MZT2A: variants seen among roughly 807,000 people sequenced by gnomAD.
The protein encoded by MZT2A is mitotic spindle organizing protein 2A.
MZT2A carries 8 observed loss-of-function variants against 12.4 expected under a neutral mutation model. That is an observed-to-expected ratio of 0.64 (90% CI 0.38 to 1.16). The LOEUF (loss-of-function observed/expected upper bound fraction) is 1.16. MZT2A is among the 50% of genes most tolerant of loss of function. The pLI is 0.01. For missense variants in MZT2A, 181 were observed against 223.6 expected, an observed-to-expected ratio of 0.81 and a Z score of 1.22; for synonymous variants, 88 against 107.5, an observed-to-expected ratio of 0.82 and a Z score of 1.12.
chr2:131,492,505 G>C, upstream of MZT2A: 1 of 1,128,118 alleles, frequency 8.9e-7, no homozygotes, highest in Non-Finnish European at 1.1e-6. Flanking sequence ...GGAGCGCGGG[G>C]ACGGGGCCGC....
In MZT2A at chr2:131,476,109, C is replaced by T. The variant is rs1678655572; in HGVS notation, c.279-3927G>A. The T allele has an allele frequency of 3.7e-6, 6 of 1,600,458 alleles. No individual in the cohort carries two copies. In the Admixed American group the frequency reaches 8.5e-5, roughly 23 times the overall value. ...CGGCGGGCCAATCCCGTGCGGCGCGCACAGGCAGGAGGTTGCAGTTGGGCG... is the reference window on the plus strand; with the variant it reads ...CGGCGGGCCAATCCCGTGCGGCGCGTACAGGCAGGAGGTTGCAGTTGGGCG... On this transcript the variant is annotated intron_variant and NMD_transcript_variant, in intron 2 of 4. Transcript: ENST00000427024.
downstream of MZT2A, chr2:131,482,575 C>A (rs748910733): frequency 1.3e-5 from 21 of 1,610,412 alleles, no homozygotes; most frequent in African/African-American, 2.7e-5. Flanking sequence ...ACCAGCCCCC[C>A]ACAGTGGTCC....
upstream of MZT2A, chr2:131,493,083 C>G (rs2272360): frequency 0.21 from 317,607 of 1,488,904 alleles, 41,981 homozygotes; most frequent in East Asian, 0.69. Context: ...GACGTTTTGG[C>G]GCGGTGGCGG....
At chr2:131,491,297 G>C (rs997520840) in intron 2 of MZT2A, 11 of 302,302 alleles carry the variant, frequency 3.6e-5, no homozygotes, top group Non-Finnish European at 5.1e-5. Flanking sequence ...TGGGAGTTCC[G>C]CGTCTAACTC....
chr2:131,476,172 G>T, intron 2 of MZT2A: 1 of 1,613,888 alleles, frequency 6.2e-7, no homozygotes, highest in South Asian at 1.1e-5. Flanking sequence ...TCTGGCAGTA[G>T]CGTTGGGCTG....
At chr2:131,473,852 T>G (rs535205220) in intron 2 of MZT2A, among the ~76,000 whole-genome samples, 5,080 of 123,464 alleles carry the variant, frequency 0.041, 444 homozygotes, top group African/African-American at 0.13. Context: ...TTTCCTGTTG[T>G]CCATAAACCC....
chr2:131,492,868 GGGCGCCAGAGGCCGCCACAACGCA>G (rs1679405562), upstream of MZT2A: 4 of 1,496,606 alleles, frequency 2.7e-6, no homozygotes, highest in Non-Finnish European at 3.6e-6. Context: ...CCCTACCTTG[GGGCGCCAGAGGCCGCCACAACGCA>G]GGCGCATTCA....
downstream of MZT2A, chr2:131,480,043 G>A (rs367942991): frequency 1.1e-3 from 1,698 of 1,552,952 alleles, 1 homozygote; most frequent in Non-Finnish European, 1.3e-3. Context: ...CATGGGCATT[G>A]GCTCACGTTG....
At chr2:131,493,075 C>A, upstream of MZT2A, 2 of 1,495,344 alleles carry the variant, frequency 1.3e-6, no homozygotes, top group Admixed American at 2.3e-5. Flanking sequence ...TTGATGACGA[C>A]GTTTTGGCGC....
intron 2 of MZT2A, among the ~76,000 whole-genome samples, chr2:131,488,733 C>T (rs13386312): frequency 0.17 from 25,904 of 152,024 alleles, 4,037 homozygotes; most frequent in African/African-American, 0.41. Flanking sequence ...TCCACCTCCT[C>T]CTCAGGTTCC....
intron 2 of MZT2A, among the ~76,000 whole-genome samples, chr2:131,475,923 C>G (rs1678644836): frequency 6.7e-6 from 1 of 149,740 alleles, no homozygotes; most frequent in Admixed American, 6.6e-5. Flanking sequence ...GGAAATGCCT[C>G]AGCAACCGCG....
chr2:131,485,899 C>T (rs572329646), intron 2 of MZT2A, among the ~76,000 whole-genome samples: 1 of 152,034 alleles, frequency 6.6e-6, no homozygotes, highest in African/African-American at 2.4e-5. Flanking sequence ...TCCAGAGGTA[C>T]CTCCAGCTCC....
downstream of MZT2A, among the ~76,000 whole-genome samples, chr2:131,479,129 A>G (rs1678765354): frequency 6.6e-6 from 1 of 152,228 alleles, no homozygotes; most frequent in Non-Finnish European, 1.5e-5. Context: ...TAAATTGCAT[A>G]TGCAGTTTGG....
chr2:131,486,960 AGGCCCAGAATAGAAT>A (rs1679075093), intron 2 of MZT2A, among the ~76,000 whole-genome samples: 1 of 152,134 alleles, frequency 6.6e-6, no homozygotes, highest in Admixed American at 6.5e-5. Flanking sequence ...AAGGATGAGA[AGGCCCAGAATAGAAT>A]GGCCTGCAGT....
chr2:131,492,177 G>C (rs2622036), intron 1 of MZT2A, 30 bp downstream of exon 1: 1 of 1,537,906 alleles, frequency 6.5e-7, no homozygotes, highest in South Asian at 1.2e-5. Flanking sequence ...GGTGTCTGGC[G>C]AGCATGCGGC....
chr2:131,476,665 G>T (rs1244845749), intron 2 of MZT2A, among the ~76,000 whole-genome samples: 3 of 152,138 alleles, frequency 2.0e-5, no homozygotes, highest in Admixed American at 1.3e-4. Context: ...CAGGCGCGGC[G>T]GCTCACGCCT....
At chr2:131,489,665 GC>G (rs1679209618) in intron 2 of MZT2A, 1 of 170,912 alleles carries the variant, frequency 5.9e-6, no homozygotes, top group South Asian at 1.9e-4. Flanking sequence ...ACCGCGCCGG[GC>G]CCTGCCTGGC....
At chr2:131,471,443 CAAAAA>C (rs544344844) in intron 3 of MZT2A, among the ~76,000 whole-genome samples, 1 of 59,428 alleles carries the variant, frequency 1.7e-5, no homozygotes, top group African/African-American at 7.7e-5. Flanking sequence ...GACTCTGTCT[CAAAAA>C]AAAAAAAAAG....
intron 2 of MZT2A, among the ~76,000 whole-genome samples, chr2:131,488,000 CAA>C: frequency 6.6e-6 from 1 of 152,312 alleles, no homozygotes; most frequent in South Asian, 2.1e-4. Flanking sequence ...CTGCTGAGCT[CAA>C]GAGATCCAGC....
Sources: gnomAD v4.1 joint callset for allele counts (sites outside exome capture counted in the v4.1 genomes callset) on GRCh38, gnomAD v4.1.1 for gene constraint, MANE v1.5 for transcripts, NCBI Gene and HGNC (gene_info 2026-07-23, HGNC 2026-07-21) for gene names.